ZSWIM6: variants seen among roughly 807,000 people sequenced by gnomAD.
ZSWIM6 encodes zinc finger SWIM domain-containing protein 6.
In ZSWIM6, 9 loss-of-function variants were observed where a neutral mutation model predicts 113.2. The observed-to-expected ratio is 0.08, with a 90% CI of 0.05 to 0.14. The LOEUF is 0.14. Among genes scored for constraint, ZSWIM6 ranks in the 10% least tolerant of loss-of-function variants. ZSWIM6 has a pLI of 1.00. For synonymous variants in ZSWIM6, 611 were observed against 606.5 expected (o/e 1.01, Z -0.11); for missense variants, 1,162 against 1,552.2 (o/e 0.75, Z 4.22).
chr5:61,428,776 A>G (rs1746518460), intron 1 of ZSWIM6, among the ~76,000 whole-genome samples: 1 of 152,172 alleles, frequency 6.6e-6, no homozygotes, highest in South Asian at 2.1e-4. Context: ...ATAACAACTT[A>G]CATTGTTTGA....
intron 2 of ZSWIM6, among the ~76,000 whole-genome samples, chr5:61,489,820 C>G (rs958882145): frequency 6.6e-6 from 1 of 151,980 alleles, no homozygotes; most frequent in African/African-American, 2.4e-5. Context: ...CAGGCAGGCT[C>G]AGGGATCCAC....
At chr5:61,394,712 T>C (rs1745803868) in intron 1 of ZSWIM6, among the ~76,000 whole-genome samples, 2 of 152,166 alleles carry the variant, frequency 1.3e-5, no homozygotes, top group African/African-American at 4.8e-5. Flanking sequence ...AGGCAAATAC[T>C]GTTAGGAGGG....
intron 4 of ZSWIM6, 124 bp downstream of exon 4, chr5:61,494,534 C>T: frequency 1.6e-6 from 2 of 1,257,074 alleles, no homozygotes; most frequent in African/African-American, 1.5e-5. Context: ...AACGTGTTGC[C>T]AATATATAGG....
chr5:61,478,624 T>G (rs1342234370), intron 2 of ZSWIM6, among the ~76,000 whole-genome samples: 1 of 152,068 alleles, frequency 6.6e-6, no homozygotes, highest in Non-Finnish European at 1.5e-5. Context: ...ACTGAATGAC[T>G]TTGAGGAGGT....
Position 61,531,575 on chromosome 5 carries a change from C to T in ZSWIM6, c.2095C>T (p.Leu699=). ...GGCTGTGGAAGTAGCCCTGATAGGG[C>T]TAGGACAGCAGCGTATCATGCCTGA... ...TLAVEVALIG[L]GQQRIMPDGL... The change falls in exon 9 of 14, where the codon CTA becomes TTA. Residue 699 remains leucine, a synonymous_variant. Coordinates refer to ENST00000252744, the MANE Select transcript of ZSWIM6 (RefSeq NM_020928.2). The T allele has an allele frequency of 6.4e-7, 1 of 1,551,670 alleles. No homozygotes were observed. The highest frequency in any genetic ancestry group is 8.7e-7 in the Non-Finnish European group (1 of 1,146,968).
intron 10 of ZSWIM6, among the ~76,000 whole-genome samples, chr5:61,538,081 AC>A (rs1238904505): frequency 6.6e-6 from 1 of 152,156 alleles, no homozygotes. Context: ...ATGCCACCAC[AC>A]CCAACTGATT....
At chr5:61,333,928 AGGCAGAGG>A (rs1000199301) in intron 1 of ZSWIM6, among the ~76,000 whole-genome samples, 1 of 152,018 alleles carries the variant, frequency 6.6e-6, no homozygotes, top group Admixed American at 6.5e-5. Flanking sequence ...CAGGAGCGCG[AGGCAGAGG>A]GCTCGGCGGC....
intron 8 of ZSWIM6, among the ~76,000 whole-genome samples, chr5:61,531,248 A>G (rs936182401): frequency 1.3e-5 from 2 of 152,134 alleles, no homozygotes; most frequent in African/African-American, 4.8e-5. Context: ...AGTATTTGTA[A>G]TGTTATATCC....
chr5:61,357,643 CTG>C, intron 1 of ZSWIM6, among the ~76,000 whole-genome samples: 1 of 151,832 alleles, frequency 6.6e-6, no homozygotes, highest in East Asian at 1.9e-4. Flanking sequence ...CAGAGTGTAT[CTG>C]TGGGTAAACA....
chr5:61,541,736 A>C, intron 12 of ZSWIM6, 148 bp from the exon 13 acceptor site: 1 of 641,362 alleles, frequency 1.6e-6, no homozygotes, highest in Non-Finnish European at 2.6e-6. Context: ...ATCCAAATTC[A>C]TATGTAGAGC....
intron 1 of ZSWIM6, among the ~76,000 whole-genome samples, chr5:61,405,501 A>G (rs192998876): frequency 6.6e-6 from 1 of 152,344 alleles, no homozygotes; most frequent in Admixed American, 6.5e-5. Flanking sequence ...AACTCCTCAG[A>G]GGAGGAAGAA....
chr5:61,448,772 A>G (rs970168872), intron 1 of ZSWIM6, among the ~76,000 whole-genome samples: 3 of 152,208 alleles, frequency 2.0e-5, no homozygotes, highest in African/African-American at 7.2e-5. Flanking sequence ...AGACAAAAGC[A>G]TGTTTTAGGA....
chr5:61,408,942 GA>G (rs1262381610), intron 1 of ZSWIM6, among the ~76,000 whole-genome samples: 1 of 152,208 alleles, frequency 6.6e-6, no homozygotes, highest in African/African-American at 2.4e-5. Flanking sequence ...GCGTGTGACT[GA>G]TGGCGCGGGG....
intron 8 of ZSWIM6, 105 bp from the exon 9 acceptor site, chr5:61,531,360 A>G: frequency 7.5e-7 from 1 of 1,326,240 alleles, no homozygotes; most frequent in East Asian, 2.5e-5. Context: ...CTCAGCATTA[A>G]TCCATAATTC....
chr5:61,528,827 A>G (rs1561280189), intron 7 of ZSWIM6, among the ~76,000 whole-genome samples: 1 of 152,126 alleles, frequency 6.6e-6, no homozygotes, highest in Non-Finnish European at 1.5e-5. Flanking sequence ...ACCTCGGGTG[A>G]TCCACCCGCT....
chr5:61,451,499 T>C (rs1747086410), intron 1 of ZSWIM6, among the ~76,000 whole-genome samples: 1 of 152,142 alleles, frequency 6.6e-6, no homozygotes, highest in Non-Finnish European at 1.5e-5. Flanking sequence ...ATTGGTCCTG[T>C]AAGGGAGGCA....
chr5:61,414,862 T>C (rs1746214208), intron 1 of ZSWIM6, among the ~76,000 whole-genome samples: 1 of 152,244 alleles, frequency 6.6e-6, no homozygotes, highest in South Asian at 2.1e-4. Flanking sequence ...TAAGAGATTT[T>C]AGATGAGTTA....
At chr5:61,438,920 G>A (rs931714241) in intron 1 of ZSWIM6, among the ~76,000 whole-genome samples, 2 of 152,158 alleles carry the variant, frequency 1.3e-5, no homozygotes, top group African/African-American at 4.8e-5. Context: ...AAAGACGGTT[G>A]TGCATGTGTT....
chr5:61,479,164 C>G (rs1171818907), intron 2 of ZSWIM6, among the ~76,000 whole-genome samples: 4 of 149,374 alleles, frequency 2.7e-5, no homozygotes, highest in Non-Finnish European at 4.4e-5. Flanking sequence ...GAGCAGGACT[C>G]TGTCTCAAAA....
Sources: allele counts gnomAD v4.1 joint callset (sites outside exome capture counted in the v4.1 genomes callset), GRCh38; gene constraint gnomAD v4.1.1; transcripts MANE v1.5; gene names NCBI Gene and HGNC (gene_info 2026-07-23, HGNC 2026-07-21).